PLCXD3: variants seen among roughly 807,000 people sequenced by gnomAD.
The protein encoded by PLCXD3 is PI-PLC X domain-containing protein 3.
A neutral mutation model predicts 25.5 loss-of-function variants in PLCXD3; 19 were observed. That is an observed-to-expected ratio of 0.75 (90% CI 0.52 to 1.09). PLCXD3 has a LOEUF of 1.09. Among genes scored for constraint, PLCXD3 ranks in the 50% least tolerant of loss-of-function variants. The probability of loss-of-function intolerance (pLI) is 0.00; values close to 1 mark genes in which losing one functional copy is unlikely to be tolerated. For synonymous variants in PLCXD3, 174 were observed against 137.6 expected, an observed-to-expected ratio of 1.26 and a Z score of -1.85; for missense variants, 411 against 388.1, an observed-to-expected ratio of 1.06 and a Z score of -0.50.
In PLCXD3 at chr5:41,415,935, C is replaced by G. The variant is rs375297193; in HGVS notation, c.104-33401G>C. 2.0e-4 allele frequency among the ~76,000 whole-genome samples: 30 copies of G among 152,176 alleles called. No individual in the cohort carries two copies. In the South Asian group the frequency reaches 6.0e-3, roughly 31 times the overall value. On this transcript the variant is annotated intron_variant, in intron 1 of 2. Transcript: ENST00000377801. ...CATATTATAATGTAGTGCCTCAAGG[C>G]TAGTAACAGGTAACTGTGGCCACTC... is the stretch of plus-strand genomic sequence containing the variant.
chr5:41,341,872 A>AT (rs1744162182), intron 2 of PLCXD3, among the ~76,000 whole-genome samples: 1 of 152,164 alleles, frequency 6.6e-6, no homozygotes, highest in Non-Finnish European at 1.5e-5. Flanking sequence ...TAGGTGCCAA[A>AT]CAACTCACCT....
intron 1 of PLCXD3, among the ~76,000 whole-genome samples, chr5:41,465,633 G>C (rs922889264): frequency 7.9e-5 from 12 of 151,816 alleles, no homozygotes; most frequent in African/African-American, 2.2e-4. Flanking sequence ...GAGTAGTGAA[G>C]TGACTCAGAG....
chr5:41,367,618 T>C (rs571323668), intron 2 of PLCXD3, among the ~76,000 whole-genome samples: 8 of 152,220 alleles, frequency 5.3e-5, no homozygotes, highest in Non-Finnish European at 1.2e-4. Flanking sequence ...ATAGTTTCTT[T>C]TGCTGTGCAG....
intron 1 of PLCXD3, among the ~76,000 whole-genome samples, chr5:41,501,155 G>A (rs1025938355): frequency 2.2e-4 from 34 of 151,910 alleles, no homozygotes; most frequent in African/African-American, 7.7e-4. Context: ...GAATTACGTC[G>A]AAATTTTAAA....
At chr5:41,464,459 C>A (rs548778617) in intron 1 of PLCXD3, among the ~76,000 whole-genome samples, 44 of 152,114 alleles carry the variant, frequency 2.9e-4, no homozygotes, top group Admixed American at 2.4e-3. Flanking sequence ...TTAATATGGG[C>A]ATTAGGAGAA....
intron 1 of PLCXD3, among the ~76,000 whole-genome samples, chr5:41,504,236 G>A (rs990278269): frequency 2.0e-5 from 3 of 152,072 alleles, no homozygotes; most frequent in Non-Finnish European, 4.4e-5. Context: ...TTACTTATAG[G>A]AAAAATCAAG....
At chr5:41,385,655 C>G (rs912947414) in intron 1 of PLCXD3, among the ~76,000 whole-genome samples, 3 of 152,142 alleles carry the variant, frequency 2.0e-5, no homozygotes, top group Non-Finnish European at 4.4e-5. Context: ...TGGGCTGAAC[C>G]TATGACCTGC....
intron 1 of PLCXD3, among the ~76,000 whole-genome samples, chr5:41,490,409 G>T (rs1580399517): frequency 1.3e-5 from 2 of 152,156 alleles, no homozygotes; most frequent in African/African-American, 4.8e-5. Flanking sequence ...TTTTGGTTGT[G>T]TCTCTGCCAG....
intron 2 of PLCXD3, among the ~76,000 whole-genome samples, chr5:41,319,471 A>G (rs549284979): frequency 6.6e-6 from 1 of 152,338 alleles, no homozygotes; most frequent in South Asian, 2.1e-4. Flanking sequence ...TGGGAGTTCT[A>G]CAACTACATG....
At chr5:41,398,169 G>C (rs887203486) in intron 1 of PLCXD3, among the ~76,000 whole-genome samples, 5 of 152,178 alleles carry the variant, frequency 3.3e-5, no homozygotes, top group African/African-American at 1.2e-4. Flanking sequence ...GTTTGGTTTT[G>C]TGTCCCCATC....
At chr5:41,351,108 C>A (rs866896420) in intron 2 of PLCXD3, among the ~76,000 whole-genome samples, 20 of 152,090 alleles carry the variant, frequency 1.3e-4, no homozygotes, top group Admixed American at 3.3e-4. Flanking sequence ...ATCAAAGAAA[C>A]CACAAATCCT....
intron 1 of PLCXD3, among the ~76,000 whole-genome samples, chr5:41,459,019 A>G (rs2150516399): frequency 6.6e-6 from 1 of 152,056 alleles, no homozygotes; most frequent in East Asian, 1.9e-4. Flanking sequence ...CCTATAGAAT[A>G]TTGCTTGATT....
chr5:41,473,406 G>A (rs1230328361), intron 1 of PLCXD3, among the ~76,000 whole-genome samples: 5 of 151,516 alleles, frequency 3.3e-5, no homozygotes, highest in Admixed American at 3.3e-4. Context: ...GGTAGTATTA[G>A]GTTAGTGCAA....
At chr5:41,448,893 C>T (rs1354768476) in intron 1 of PLCXD3, among the ~76,000 whole-genome samples, 2 of 152,162 alleles carry the variant, frequency 1.3e-5, no homozygotes, top group African/African-American at 2.4e-5. Flanking sequence ...CATGTACATA[C>T]ACATTTTTAA....
intron 1 of PLCXD3, among the ~76,000 whole-genome samples, chr5:41,402,443 G>T (rs1746213451): frequency 6.6e-6 from 1 of 151,422 alleles, no homozygotes; most frequent in Non-Finnish European, 1.5e-5. Flanking sequence ...CAGAGAACAT[G>T]CTCTCAATAA....
rs1743167560 is a variant in PLCXD3 at position 41,312,689 on chromosome 5, C to CTTCT, written c.*927_*928insAGAA. On this transcript the variant is annotated 3_prime_UTR_variant, in exon 3 of 3. Coordinates refer to ENST00000377801, the MANE Select transcript of PLCXD3 (RefSeq NM_001005473.3). The stretch of plus-strand genomic sequence containing the variant: ...CTCCCTCCCTTCCTTTCTTCCTTTC[C>CTTCT]TTCCTTCCTTCCTTCCTTCCTTCCT... 1.3e-5 allele frequency: 1 copy of CTTCT among 77,718 alleles called. No individual in the cohort carries two copies. The highest frequency in any genetic ancestry group is 2.5e-5 in the Non-Finnish European group (1 of 39,922). 4.8% of individuals were successfully genotyped at this position (77,718 alleles called of 1,614,324 possible). A position where few individuals can be genotyped will look rare whatever the true frequency, so the allele number is the denominator to read the frequency against.
Position 41,315,414 on chromosome 5 carries a change from G to GA in PLCXD3, c.813-1645dup, listed in dbSNP as rs59167185. Among the ~76,000 whole-genome samples, 403 of 142,434 alleles carry GA rather than the reference G, an allele frequency of 2.8e-3. 1 individual carries two copies. The highest frequency in any genetic ancestry group is 7.1e-3 in the Middle Eastern group (2 of 280). The allele number at this position is 142,434 out of a possible 152,430, so 93.4% of individuals were successfully genotyped here. On this transcript the variant is annotated intron_variant, in intron 2 of 2. Coordinates refer to ENST00000377801, the MANE Select transcript of PLCXD3 (RefSeq NM_001005473.3). ...AGGTAGTTTTGAAAGATGTTAAAGA[G>GA]AAAAAAAAAAACCCAGACAATAGAG...
chr5:41,476,508 C>A (rs1337907942), intron 1 of PLCXD3, among the ~76,000 whole-genome samples: 1 of 152,156 alleles, frequency 6.6e-6, no homozygotes, highest in African/African-American at 2.4e-5. Context: ...ATCTAATGAG[C>A]TTTTCTGGTT....
intron 2 of PLCXD3, among the ~76,000 whole-genome samples, chr5:41,337,670 C>T (rs2150476642): frequency 6.6e-6 from 1 of 152,294 alleles, no homozygotes; most frequent in Middle Eastern, 3.4e-3. Flanking sequence ...TGCAATCATG[C>T]ATAATTATCA....
Sources: gnomAD v4.1 joint callset for allele counts (sites outside exome capture counted in the v4.1 genomes callset) on GRCh38, gnomAD v4.1.1 for gene constraint, MANE v1.5 for transcripts, NCBI Gene and HGNC (gene_info 2026-07-23, HGNC 2026-07-21) for gene names.